The following IQCM variants were observed in gnomAD, a reference collection of about 807,000 sequenced individuals.
IQCM encodes the protein IQ domain-containing protein M.
IQCM carries 45 observed loss-of-function variants against 57.6 expected under a neutral mutation model. That is an observed-to-expected ratio of 0.78 (90% confidence interval 0.62 to 1.00). The LOEUF is 1.00. Among genes scored for constraint, IQCM ranks in the 50% least tolerant of loss-of-function variants. The probability of loss-of-function intolerance (pLI) is 0.00; values close to 1 mark genes in which losing one functional copy is unlikely to be tolerated. For synonymous variants in IQCM, 148 were observed against 158.9 expected (o/e 0.93, Z 0.51); for missense variants, 468 against 511.6 (o/e 0.91, Z 0.82).
chr4:149,490,806 A>G (rs1742011214), intron 12 of IQCM, among the ~76,000 whole-genome samples: 1 of 152,110 alleles, frequency 6.6e-6, no homozygotes, highest in Non-Finnish European at 1.5e-5. Context: ...AATAATGCAT[A>G]TGAAAGACAT....
At chr4:149,810,569 C>T (rs75309542) in intron 2 of IQCM, among the ~76,000 whole-genome samples, 2,352 of 151,882 alleles carry the variant, frequency 0.015, 159 homozygotes, top group East Asian at 0.13. Context: ...CCTGCCTCAG[C>T]CTCCTGAGCA....
intron 2 of IQCM, among the ~76,000 whole-genome samples, chr4:149,773,225 G>A (rs1217532415): frequency 6.6e-6 from 1 of 151,968 alleles, no homozygotes; most frequent in Non-Finnish European, 1.5e-5. Context: ...GGTGACGGGC[G>A]CCTGTAGTTC....
rs149957441 is a variant in IQCM at position 149,565,785 on chromosome 4, A to G, written c.750-1895T>C. Among the ~76,000 whole-genome samples, 199 of 152,236 alleles carry G rather than the reference A, an allele frequency of 1.3e-3. 1 individual carries two copies. Among genetic ancestry groups the G allele is most frequent in the Admixed American group, 2.1e-3 (32 of 15,268 alleles). ...GAGGCTGCTAGTTCTCTTTGTGTCT[A>G]TGTGTGTAAATGAAAAAAAAGTCAT... is the stretch of plus-strand genomic sequence containing the variant. On this transcript the variant is annotated intron_variant, in intron 9 of 13. Coordinates refer to ENST00000636793, the MANE Select transcript of IQCM (RefSeq NM_001363507.2).
chr4:149,728,930 C>T (rs1766207611), intron 5 of IQCM, among the ~76,000 whole-genome samples: 1 of 152,184 alleles, frequency 6.6e-6, no homozygotes, highest in African/African-American at 2.4e-5. Flanking sequence ...GATGTGGCTC[C>T]TTACGGTCCA....
At chr4:149,404,776 A>G (rs1304501807) in intron 13 of IQCM, among the ~76,000 whole-genome samples, 1 of 152,112 alleles carries the variant, frequency 6.6e-6, no homozygotes, top group Non-Finnish European at 1.5e-5. Flanking sequence ...TACAGAAAAT[A>G]TGTATACAAA....
intron 7 of IQCM, among the ~76,000 whole-genome samples, chr4:149,631,569 AT>A (rs1337018149): frequency 1.3e-5 from 2 of 152,334 alleles, no homozygotes; most frequent in African/African-American, 4.8e-5. Flanking sequence ...AAGAAAAAAA[AT>A]CTCATATACC....
intron 13 of IQCM, among the ~76,000 whole-genome samples, chr4:149,378,389 G>T (rs1730839662): frequency 6.6e-6 from 1 of 152,162 alleles, no homozygotes. Context: ...GAGACTTGTT[G>T]AATGGCTTTG....
intron 2 of IQCM, among the ~76,000 whole-genome samples, chr4:149,773,277 G>A (rs540071983): frequency 6.6e-6 from 1 of 151,998 alleles, no homozygotes; most frequent in African/African-American, 2.4e-5. Context: ...GCGTGAACCC[G>A]GGAGGCAGAG....
intron 7 of IQCM, among the ~76,000 whole-genome samples, chr4:149,681,004 C>A (rs572872478): frequency 6.6e-6 from 1 of 151,424 alleles, no homozygotes; most frequent in South Asian, 2.1e-4. Flanking sequence ...GATGACACAA[C>A]TGACCCATGT....
At chr4:149,526,811 A>C (rs948082923) in intron 12 of IQCM, among the ~76,000 whole-genome samples, 1 of 152,136 alleles carries the variant, frequency 6.6e-6, no homozygotes, top group African/African-American at 2.4e-5. Context: ...CAGAATTTAA[A>C]AAATTACCTT....
At chr4:149,689,742 C>T (rs533263402) in intron 5 of IQCM, among the ~76,000 whole-genome samples, 1 of 151,780 alleles carries the variant, frequency 6.6e-6, no homozygotes, top group Non-Finnish European at 1.5e-5. Context: ...GAAAAAAATA[C>T]AAAATCCCAT....
chr4:149,559,339 C>G (rs561356222), intron 10 of IQCM, among the ~76,000 whole-genome samples: 1 of 152,178 alleles, frequency 6.6e-6, no homozygotes, highest in Non-Finnish European at 1.5e-5. Context: ...TTTCTAAGAA[C>G]GTTATTAATC....
chr4:149,620,766 C>G (rs529429952), intron 8 of IQCM, among the ~76,000 whole-genome samples: 1 of 152,302 alleles, frequency 6.6e-6, no homozygotes, highest in East Asian at 1.9e-4. Flanking sequence ...ATGCCTTTAA[C>G]AGATGTCTAC....
intron 8 of IQCM, among the ~76,000 whole-genome samples, chr4:149,607,054 C>T (rs1754848300): frequency 6.6e-6 from 1 of 151,814 alleles, no homozygotes; most frequent in East Asian, 1.9e-4. Flanking sequence ...TATCCATGTA[C>T]AAGAAGCTCA....
intron 12 of IQCM, among the ~76,000 whole-genome samples, chr4:149,451,210 G>A (rs1737084696): frequency 1.3e-5 from 2 of 151,804 alleles, no homozygotes; most frequent in South Asian, 4.1e-4. Context: ...AGGGTCAGGG[G>A]AGATGGGGTG....
intron 8 of IQCM, among the ~76,000 whole-genome samples, chr4:149,617,260 C>A (rs1026269374): frequency 6.6e-6 from 1 of 152,018 alleles, no homozygotes; most frequent in South Asian, 2.1e-4. Flanking sequence ...CAGCCAATAT[C>A]CTGGAACTTA....
At chr4:149,423,996 G>T (rs1734297981) in intron 13 of IQCM, among the ~76,000 whole-genome samples, 1 of 151,872 alleles carries the variant, frequency 6.6e-6, no homozygotes, top group African/African-American at 2.4e-5. Flanking sequence ...TAATAAAAAT[G>T]TATTTATCCT....
At chr4:149,701,411 G>T (rs1580055005) in intron 5 of IQCM, among the ~76,000 whole-genome samples, 2 of 152,062 alleles carry the variant, frequency 1.3e-5, no homozygotes, top group South Asian at 4.1e-4. Flanking sequence ...GGGACGAGGT[G>T]TAATTACTAG....
intron 13 of IQCM, among the ~76,000 whole-genome samples, chr4:149,377,562 G>C (rs1173398085): frequency 6.6e-6 from 1 of 152,016 alleles, no homozygotes; most frequent in African/African-American, 2.4e-5. Flanking sequence ...ATTCAGTACT[G>C]TGTCTTTAAA....
Sources: gnomAD v4.1 joint callset for allele counts (sites outside exome capture counted in the v4.1 genomes callset) on GRCh38, gnomAD v4.1.1 for gene constraint, MANE v1.5 for transcripts, NCBI Gene and HGNC (gene_info 2026-07-23, HGNC 2026-07-21) for gene names.